The following SORCS1 variants were observed in gnomAD, a reference collection of about 807,000 sequenced individuals.
SORCS1 encodes the protein sortilin related VPS10 domain containing receptor 1.
SORCS1 carries 60 observed loss-of-function variants against 146.1 expected under a neutral mutation model. The observed-to-expected ratio is 0.41, with a 90% CI of 0.33 to 0.51. The LOEUF is 0.51. SORCS1 is among the 20% of genes least tolerant of loss of function. The probability of loss-of-function intolerance (pLI) is 0.21; values close to 1 mark genes in which losing one functional copy is unlikely to be tolerated. For missense variants in SORCS1, 1,352 were observed against 1,487.6 expected, an observed-to-expected ratio of 0.91 and a Z score of 1.50; for synonymous variants, 637 against 584.0, an observed-to-expected ratio of 1.09 and a Z score of -1.31.
chr10:106,622,652 T>C (rs1847829524), intron 19 of SORCS1, among the ~76,000 whole-genome samples: 1 of 152,154 alleles, frequency 6.6e-6, no homozygotes, highest in South Asian at 2.1e-4. Context: ...TTCAATGAAA[T>C]AATAAAAGGG....
At chr10:107,059,937 T>C (rs1200543029) in intron 1 of SORCS1, among the ~76,000 whole-genome samples, 2 of 151,944 alleles carry the variant, frequency 1.3e-5, no homozygotes, top group East Asian at 3.9e-4. Context: ...TTCTACTAAA[T>C]GAAATAAAAT....
In SORCS1 at chr10:106,859,541, G is replaced by A. The variant is rs185583965; in HGVS notation, c.627-29868C>T. On this transcript the variant is annotated intron_variant, in intron 2 of 25. Transcript: ENST00000263054. ...CCCCAGTGGCTGGGACTACAGGTGCGCACCACCATGCCCAGGTAATTTTTG... is the reference window on the plus strand; with the variant it reads ...CCCCAGTGGCTGGGACTACAGGTGCACACCACCATGCCCAGGTAATTTTTG... Among the ~76,000 whole-genome samples the A allele has an allele frequency of 1.4e-3, 208 of 152,146 alleles. 1 individual carries two copies. The highest frequency in any genetic ancestry group is 5.0e-3 in the African/African-American group (206 of 41,506).
At chr10:107,068,248 G>A (rs1962079873) in intron 1 of SORCS1, among the ~76,000 whole-genome samples, 1 of 152,124 alleles carries the variant, frequency 6.6e-6, no homozygotes, top group Admixed American at 6.5e-5. Context: ...AGAAAGACTT[G>A]AAAGATCTGT....
chr10:106,673,820 G>C (rs1851796309), intron 14 of SORCS1, among the ~76,000 whole-genome samples: 1 of 152,170 alleles, frequency 6.6e-6, no homozygotes, highest in South Asian at 2.1e-4. Flanking sequence ...TATTTACTGA[G>C]ATGTTTGAAT....
chr10:107,034,710 A>AAAAAAAAAAAAAAAAAAAAAAAAATT (rs1958820130), intron 1 of SORCS1, among the ~76,000 whole-genome samples: 1 of 143,270 alleles, frequency 7.0e-6, no homozygotes, highest in Non-Finnish European at 1.5e-5. Context: ...AAAAAAAACA[A>AAAAAAAAAAAAAAAAAAAAAAAAATT]TGTTCATAGA....
chr10:106,989,671 T>G lies in SORCS1; in HGVS notation c.559-33091A>C, dbSNP rs997955952. Among the ~76,000 whole-genome samples, 13 of 80,416 alleles carry G rather than the reference T, an allele frequency of 1.6e-4. No homozygotes were observed. The South Asian group carries it at 2.1e-3, about 13-fold the overall frequency. The allele number at this position is 80,416 out of a possible 152,430, so 52.8% of individuals were successfully genotyped here. On this transcript the variant is annotated intron_variant, in intron 1 of 25. Transcript: ENST00000263054. ...TCTTTATATACTCATATTTTTTCTG[T>G]TTTTTTTTGTTTTTTTTTTTTTTTT...
intron 17 of SORCS1, among the ~76,000 whole-genome samples, chr10:106,655,067 G>C (rs1850179932): frequency 6.6e-6 from 1 of 152,116 alleles, no homozygotes; most frequent in South Asian, 2.1e-4. Flanking sequence ...ATATTGGCCA[G>C]GCTGGTCTCA....
the SORCS1 span, among the ~76,000 whole-genome samples, chr10:107,173,767 A>G: frequency 1.3e-5 from 2 of 152,214 alleles, no homozygotes; most frequent in African/African-American, 4.8e-5. Flanking sequence ...ATGGATATCA[A>G]TGAACTCAGC....
At chr10:106,862,784 A>C in intron 2 of SORCS1, among the ~76,000 whole-genome samples, 1 of 143,576 alleles carries the variant, frequency 7.0e-6, no homozygotes, top group Non-Finnish European at 1.5e-5. Context: ...TCTCTACAAA[A>C]AAAAAAAAAA....
At chr10:106,723,395 G>GCGCA (rs1554910236) in intron 6 of SORCS1, among the ~76,000 whole-genome samples, 2 of 149,174 alleles carry the variant, frequency 1.3e-5, no homozygotes, top group African/African-American at 2.5e-5. Flanking sequence ...CTCCTACGAT[G>GCGCA]CACACACACA....
intron 5 of SORCS1, among the ~76,000 whole-genome samples, chr10:106,752,714 T>C (rs2073685293): frequency 6.6e-6 from 1 of 152,192 alleles, no homozygotes; most frequent in Non-Finnish European, 1.5e-5. Flanking sequence ...TGGAGAGGCT[T>C]TTTCATTATT....
Position 107,053,010 on chromosome 10 carries a change from G to A in SORCS1, c.559-96430C>T, listed in dbSNP as rs1023526666. On this transcript the variant is annotated intron_variant, in intron 1 of 25. Coordinates refer to ENST00000263054, the MANE Select transcript of SORCS1 (RefSeq NM_052918.5). ...TGTAATCCACACAAATCAAATATCA[G>A]CTACTTTCTGAATATGGCAAAACCA... Among the ~76,000 whole-genome samples, 3 of 152,066 alleles carry A rather than the reference G, an allele frequency of 2.0e-5. No homozygotes were observed. In the East Asian group the frequency reaches 5.8e-4, roughly 29 times the overall value.
chr10:106,710,690 T>C (rs2135850226), intron 6 of SORCS1, among the ~76,000 whole-genome samples: 1 of 152,210 alleles, frequency 6.6e-6, no homozygotes, highest in African/African-American at 2.4e-5. Context: ...TAAAACTCCT[T>C]TTGCCTCATT....
At chr10:106,914,984 G>C (rs534204929) in intron 2 of SORCS1, among the ~76,000 whole-genome samples, 2 of 152,138 alleles carry the variant, frequency 1.3e-5, no homozygotes, top group Non-Finnish European at 2.9e-5. Context: ...TAACAGACAC[G>C]AGACTGTGAC....
chr10:107,072,304 T>C (rs1962496790), intron 1 of SORCS1, among the ~76,000 whole-genome samples: 1 of 152,124 alleles, frequency 6.6e-6, no homozygotes, highest in Non-Finnish European at 1.5e-5. Context: ...GAAGGGTAGG[T>C]TTGGAGCTAA....
At chr10:106,648,349 G>A (rs571133941) in intron 18 of SORCS1, among the ~76,000 whole-genome samples, 3 of 152,026 alleles carry the variant, frequency 2.0e-5, no homozygotes, top group South Asian at 2.1e-4. Context: ...TTTTGGATAC[G>A]TTGGAGTCTA....
intron 19 of SORCS1, among the ~76,000 whole-genome samples, chr10:106,621,308 C>G (rs1453216516): frequency 3.9e-5 from 6 of 152,118 alleles, no homozygotes; most frequent in Admixed American, 3.3e-4. Flanking sequence ...TCCTTCAACC[C>G]TCAATCTTCT....
chr10:106,971,970 T>C (rs1955807108), intron 1 of SORCS1, among the ~76,000 whole-genome samples: 1 of 152,116 alleles, frequency 6.6e-6, no homozygotes, highest in South Asian at 2.1e-4. Context: ...ATGCAAGAGG[T>C]TGAAAGGGCT....
intron 1 of SORCS1, among the ~76,000 whole-genome samples, chr10:107,117,852 C>T (rs925722331): frequency 2.0e-5 from 3 of 152,264 alleles, no homozygotes; most frequent in Admixed American, 2.0e-4. Flanking sequence ...GTGACTCATA[C>T]CTCGAGTCTC....
Sources: gnomAD v4.1 joint callset for allele counts (sites outside exome capture counted in the v4.1 genomes callset) on GRCh38, gnomAD v4.1.1 for gene constraint, MANE v1.5 for transcripts, NCBI Gene and HGNC (gene_info 2026-07-23, HGNC 2026-07-21) for gene names.